The following DYNC1I2 variants were observed in gnomAD, a reference collection of about 807,000 sequenced individuals.
DYNC1I2 encodes cytoplasmic dynein 1 intermediate chain 2.
A neutral mutation model predicts 88.6 loss-of-function variants in DYNC1I2; 53 were observed. The observed-to-expected ratio is 0.60, with a 90% CI of 0.48 to 0.75. The LOEUF is 0.75. DYNC1I2 is among the 30% of genes least tolerant of loss of function. The probability of loss-of-function intolerance (pLI) is 0.00; values close to 1 mark genes in which losing one functional copy is unlikely to be tolerated. For missense variants in DYNC1I2, 458 were observed against 766.6 expected, an observed-to-expected ratio of 0.60 and a Z score of 4.75; for synonymous variants, 198 against 254.6, an observed-to-expected ratio of 0.78 and a Z score of 2.12.
chr2:171,743,920 G>A, intron 15 of DYNC1I2, 129 bp from the exon 16 acceptor site: 4 of 819,038 alleles, frequency 4.9e-6, no homozygotes, highest in Non-Finnish European at 6.8e-6. Flanking sequence ...ACTTTTTCTA[G>A]GCTGAGTTAA....
At chr2:171,744,748 C>T (rs867390929) in intron 16 of DYNC1I2, among the ~76,000 whole-genome samples, 46 of 152,148 alleles carry the variant, frequency 3.0e-4, no homozygotes, top group South Asian at 1.5e-3. Context: ...CACTTATTAG[C>T]CATTAAATTT....
chr2:171,690,539 C>T (rs774395948), intron 2 of DYNC1I2, among the ~76,000 whole-genome samples: 5 of 151,690 alleles, frequency 3.3e-5, no homozygotes, highest in South Asian at 2.1e-4. Context: ...AAAACAATTT[C>T]GTATAGATTG....
intron 11 of DYNC1I2, 98 bp downstream of exon 11, chr2:171,727,014 C>A: frequency 7.5e-7 from 1 of 1,330,336 alleles, no homozygotes; most frequent in Non-Finnish European, 9.9e-7. Context: ...ATAATGATTT[C>A]ATTGGATTGG....
At chr2:171,688,432 A>G (rs1204567974) in intron 1 of DYNC1I2, 1 of 152,162 alleles carries the variant, frequency 6.6e-6, no homozygotes, top group African/African-American at 2.4e-5. Flanking sequence ...AAATGCGCTT[A>G]TTTTAATATC....
rs981777004 is a variant in DYNC1I2, at chr2:171,730,618, C to A, written c.1536+765C>A. Among the ~76,000 whole-genome samples the A allele has an allele frequency of 2.0e-5, 3 of 152,252 alleles. No individual in the cohort carries two copies. The South Asian group carries it at 6.2e-4, about 32-fold the overall frequency. ...TTATAATTAAAGTGCCTTAACTTTG[C>A]TGTCTAGTTTTTCTGCGGTATTAAC... On this transcript the variant is annotated intron_variant, in intron 15 of 17. Coordinates refer to ENST00000397119, the MANE Select transcript of DYNC1I2 (RefSeq NM_001378.3).
chr2:171,692,189 A>G (rs899418826), intron 2 of DYNC1I2, among the ~76,000 whole-genome samples: 8 of 152,204 alleles, frequency 5.3e-5, no homozygotes, highest in Admixed American at 3.9e-4. Flanking sequence ...AGATTGTGCT[A>G]AAACGATAAA....
intron 15 of DYNC1I2, among the ~76,000 whole-genome samples, chr2:171,730,140 C>A (rs1325760083): frequency 9.2e-5 from 14 of 152,134 alleles, no homozygotes; most frequent in Admixed American, 9.2e-4. Context: ...GGAAAAAAGC[C>A]CTGAGTATCT....
rs371917865 is a variant in DYNC1I2 at position 171,744,081 on chromosome 2, T to C, written c.1569T>C (p.Asn523=). ...NNKPLYSFED[N]ADYVYDVMWS... ...AGCCTTTGTATTCATTTGAAGATAA[T>C]GCAGACTATGTTTATGATGTTATGT... The change falls in exon 16 of 18, where the codon AAT becomes AAC. Residue 523 remains asparagine (N), a synonymous_variant. Coordinates refer to ENST00000397119, the MANE Select transcript of DYNC1I2 (RefSeq NM_001378.3). 6.2e-6 allele frequency: 10 copies of C among 1,612,562 alleles called. No homozygotes were observed. The highest frequency in any genetic ancestry group is 2.2e-5 in the East Asian group (1 of 44,852).
chr2:171,699,336 A>G (rs1321258518), intron 3 of DYNC1I2, among the ~76,000 whole-genome samples: 1 of 152,054 alleles, frequency 6.6e-6, no homozygotes, highest in African/African-American at 2.4e-5. Flanking sequence ...AGATTAGCTA[A>G]TATTTTATTG....
In DYNC1I2 at chr2:171,690,260, A is replaced by G. The variant is rs1685291531; in HGVS notation, c.105A>G (p.Lys35=). 1.3e-6 allele frequency: 2 copies of G among 1,540,454 alleles called. No individual in the cohort carries two copies. The highest frequency in any genetic ancestry group is 1.4e-5 in the African/African-American group (1 of 72,260). ...GAAAAGAAGAAGAAAGGAAAAAAAA[A>G]GAAGTATGTTTGATTTTTTTGCTTA... The part of the protein sequence containing the change: ...KKRKEEERKK[K]ETDQKKEAVA... Residue 35 remains lysine (K), a synonymous_variant, in exon 2 of 18, where the codon AAA becomes AAG. Transcript: ENST00000397119.
rs969635828 is a variant in DYNC1I2 at position 171,744,303 on chromosome 2, A to G, written c.1677+114A>G. ...ATGTAAAAGGGTTCTGTGATTGTAG[A>G]TTCATCACAAAGAACTCAAATAAGC... is the stretch of plus-strand genomic sequence containing the variant. On this transcript the variant is annotated intron_variant, in intron 16 of 17. Transcript: ENST00000397119. 4.4e-6 allele frequency: 5 copies of G among 1,127,950 alleles called. No homozygotes were observed. In the Admixed American group the frequency reaches 9.0e-5, roughly 20 times the overall value. 69.9% of individuals were successfully genotyped at this position (1,127,950 alleles called of 1,614,324 possible). A position where few individuals can be genotyped will look rare whatever the true frequency, so the allele number is the denominator to read the frequency against.
intron 7 of DYNC1I2, among the ~76,000 whole-genome samples, chr2:171,716,447 A>G (rs538503465): frequency 6.6e-6 from 1 of 152,172 alleles, no homozygotes; most frequent in South Asian, 2.1e-4. Flanking sequence ...TGTATTTTTA[A>G]ATTTTTAATT....
chr2:171,706,603 A>G (rs1202532026), intron 4 of DYNC1I2, 39 bp downstream of exon 4: 3 of 1,590,376 alleles, frequency 1.9e-6, no homozygotes, highest in Non-Finnish European at 1.7e-6. Context: ...GTTTATTTGC[A>G]TGCATCACTT....
intron 15 of DYNC1I2, among the ~76,000 whole-genome samples, chr2:171,743,388 A>G (rs1237207114): frequency 6.6e-6 from 1 of 152,160 alleles, no homozygotes; most frequent in Non-Finnish European, 1.5e-5. Context: ...GTTCAAACCT[A>G]TATGGTTCAA....
intron 7 of DYNC1I2, among the ~76,000 whole-genome samples, chr2:171,719,848 T>G (rs1390226396): frequency 1.3e-5 from 2 of 152,228 alleles, no homozygotes; most frequent in African/African-American, 4.8e-5. Context: ...CTACTGTGAA[T>G]GAAATTGACT....
intron 7 of DYNC1I2, among the ~76,000 whole-genome samples, chr2:171,725,376 G>A (rs1249801642): frequency 6.6e-6 from 1 of 152,212 alleles, no homozygotes; most frequent in South Asian, 2.1e-4. Context: ...GGCTGTTGCT[G>A]AGGTACCACA....
At chr2:171,714,505 C>G (rs1687350819) in intron 6 of DYNC1I2, among the ~76,000 whole-genome samples, 1 of 152,090 alleles carries the variant, frequency 6.6e-6, no homozygotes, top group Non-Finnish European at 1.5e-5. Context: ...TGGAAGCGTA[C>G]TTTATTTGGT....
chr2:171,693,567 T>C (rs1292900277), intron 3 of DYNC1I2, among the ~76,000 whole-genome samples: 1 of 152,214 alleles, frequency 6.6e-6, no homozygotes, highest in African/African-American at 2.4e-5. Flanking sequence ...TAACATGGCC[T>C]TTATCCTTTA....
chr2:171,692,420 C>T (rs556341800), intron 2 of DYNC1I2, among the ~76,000 whole-genome samples: 4 of 152,066 alleles, frequency 2.6e-5, no homozygotes, highest in South Asian at 2.1e-4. Context: ...TTGTATCTAA[C>T]CTTTTGTGCC....
Sources: allele counts gnomAD v4.1 joint callset (sites outside exome capture counted in the v4.1 genomes callset), GRCh38; gene constraint gnomAD v4.1.1; transcripts MANE v1.5; gene names NCBI Gene and HGNC (gene_info 2026-07-23, HGNC 2026-07-21).